The following DOCK5 variants were observed in gnomAD, a reference collection of about 807,000 sequenced individuals.
The protein encoded by DOCK5 is dedicator of cytokinesis protein 5.
Under a neutral mutation model 251.8 loss-of-function variants are expected in DOCK5, and 142 were observed. That is an observed-to-expected ratio of 0.56 (90% CI 0.49 to 0.65). The LOEUF is 0.65. DOCK5 is among the 30% of genes least tolerant of loss of function. DOCK5 has a pLI of 0.00. For synonymous variants in DOCK5, 842 were observed against 835.5 expected (o/e 1.01, Z -0.13); for missense variants, 2,111 against 2,312.3 (o/e 0.91, Z 1.79).
At chr8:25,268,031 C>T (rs1246672506) in intron 2 of DOCK5, among the ~76,000 whole-genome samples, 1 of 151,872 alleles carries the variant, frequency 6.6e-6, no homozygotes, top group East Asian at 1.9e-4. Context: ...CCTGGCTAAT[C>T]TTTATATTTT....
chr8:25,250,851 T>C (rs2117560909), intron 2 of DOCK5, among the ~76,000 whole-genome samples: 1 of 152,204 alleles, frequency 6.6e-6, no homozygotes, highest in East Asian at 1.9e-4. Flanking sequence ...CTATTGTAGG[T>C]TGGTAGTTTT....
chr8:25,273,844 A>G (rs545820416), intron 3 of DOCK5, among the ~76,000 whole-genome samples: 83 of 152,238 alleles, frequency 5.5e-4, no homozygotes, highest in African/African-American at 1.9e-3. Context: ...ATGGTTCTGA[A>G]TCCCACCTCC....
chr8:25,269,353 A>T (rs1205591033), intron 3 of DOCK5, among the ~76,000 whole-genome samples: 1 of 152,238 alleles, frequency 6.6e-6, no homozygotes, highest in Non-Finnish European at 1.5e-5. Context: ...ATAATACATT[A>T]TGAAATCAAT....
intron 48 of DOCK5, 65 bp from the exon 49 acceptor site, chr8:25,407,918 C>A: frequency 6.9e-7 from 1 of 1,449,882 alleles, no homozygotes; most frequent in South Asian, 1.4e-5. Flanking sequence ...CTGGTACTTT[C>A]ATAGTGAATT....
intron 51 of DOCK5, 112 bp from the exon 52 acceptor site, chr8:25,411,082 G>A (rs1801623743): frequency 5.3e-6 from 7 of 1,327,036 alleles, no homozygotes; most frequent in Non-Finnish European, 6.9e-6. Flanking sequence ...AGCCTGTGTA[G>A]ATAAACTCAG....
Position 25,401,064 on chromosome 8 carries a change from C to A in DOCK5, c.4924C>A (p.Leu1642Met). 6.2e-7 allele frequency: 1 copy of A among 1,613,958 alleles called. No homozygotes were observed. Among genetic ancestry groups the A allele is most frequent in the Non-Finnish European group, 8.5e-7 (1 of 1,179,858 alleles). The change falls in exon 47 of 52, where the codon CTG becomes ATG. Residue 1642 changes from leucine to methionine, a missense_variant and splice_region_variant. Physicochemically the swap from Leu to Met is conservative, Grantham distance 15. Coordinates refer to ENST00000276440, the MANE Select transcript of DOCK5 (RefSeq NM_024940.8). Reference protein sequence around the residue: ...KVEKHYGVITLPPNLTERKQS... With the variant: ...KVEKHYGVITMPPNLTERKQS... ...AGAAAAGCACTATGGGGTTATAACA[C>A]TGGTAAGCATGATCTAAGTAGCCTT... is the stretch of plus-strand genomic sequence containing the variant.
intron 1 of DOCK5, among the ~76,000 whole-genome samples, chr8:25,213,364 CA>C (rs34974024): frequency 0.089 from 6,661 of 74,592 alleles, 156 homozygotes; most frequent in Middle Eastern, 0.12. Flanking sequence ...ATGAATGTAG[CA>C]AAAAAAAAAA....
At chr8:25,345,431 A>G in intron 25 of DOCK5, 44 bp from the exon 26 acceptor site, 1 of 1,607,002 alleles carries the variant, frequency 6.2e-7, no homozygotes, top group Non-Finnish European at 8.5e-7. Context: ...GCAGTTCAGG[A>G]GGTGGCACTG....
intron 31 of DOCK5, 99 bp downstream of exon 31, chr8:25,367,069 C>G: frequency 9.5e-7 from 1 of 1,052,178 alleles, no homozygotes; most frequent in Non-Finnish European, 1.4e-6. Context: ...TATTTAGTGG[C>G]TACCCATGTT....
chr8:25,338,677 T>G (rs1345445643), intron 22 of DOCK5, among the ~76,000 whole-genome samples: 1 of 152,206 alleles, frequency 6.6e-6, no homozygotes, highest in Non-Finnish European at 1.5e-5. Flanking sequence ...TTTCCAGTTA[T>G]GGTACATTTC....
At chr8:25,400,841 T>C in intron 46 of DOCK5, 88 bp from the exon 47 acceptor site, 5 of 1,483,862 alleles carry the variant, frequency 3.4e-6, no homozygotes, top group Non-Finnish European at 4.6e-6. Context: ...CAGTTTACCT[T>C]TCCACCCCAT....
At chr8:25,357,373 CTTT>C (rs397891518) in intron 27 of DOCK5, among the ~76,000 whole-genome samples, 1,670 of 92,660 alleles carry the variant, frequency 0.018, 15 homozygotes, top group African/African-American at 0.054. Flanking sequence ...AAAAAATAAA[CTTT>C]TTTTTTTTTT....
At chr8:25,277,061 A>G (rs1297986975) in intron 4 of DOCK5, 1 of 152,982 alleles carries the variant, frequency 6.5e-6, no homozygotes, top group East Asian at 1.9e-4. Context: ...TTTGAGTATT[A>G]TCTTTCAAAT....
intron 11 of DOCK5, among the ~76,000 whole-genome samples, chr8:25,307,016 T>C (rs2117176783): frequency 6.6e-6 from 1 of 152,378 alleles, no homozygotes; most frequent in East Asian, 1.9e-4. Context: ...GTGCTATTTG[T>C]GTCTTTAAAC....
At chr8:25,350,744 T>G (rs1426566563) in intron 26 of DOCK5, among the ~76,000 whole-genome samples, 1 of 152,140 alleles carries the variant, frequency 6.6e-6, no homozygotes. Flanking sequence ...GCTCACCTGG[T>G]GGAGAGAGAG....
intron 18 of DOCK5, among the ~76,000 whole-genome samples, chr8:25,327,208 A>G (rs1374143325): frequency 6.6e-6 from 1 of 152,352 alleles, no homozygotes; most frequent in African/African-American, 2.4e-5. Flanking sequence ...CACGATCATC[A>G]TCACTATTTG....
intron 1 of DOCK5, among the ~76,000 whole-genome samples, chr8:25,228,736 C>T (rs112779666): frequency 0.095 from 14,400 of 152,056 alleles, 1,916 homozygotes; most frequent in African/African-American, 0.3. Flanking sequence ...TATTTTTAAC[C>T]TTTTTTCACA....
chr8:25,410,841 G>T (rs1285837095), intron 51 of DOCK5, among the ~76,000 whole-genome samples: 1 of 151,778 alleles, frequency 6.6e-6, no homozygotes, highest in African/African-American at 2.4e-5. Context: ...CCTCAGATGG[G>T]TTTCCTTCAG....
intron 9 of DOCK5, among the ~76,000 whole-genome samples, 159 bp from the exon 10 acceptor site, chr8:25,302,166 C>A (rs1299601380): frequency 6.6e-6 from 1 of 152,144 alleles, no homozygotes; most frequent in Non-Finnish European, 1.5e-5. Context: ...GCCATAATAG[C>A]TCTTGGATGG....
Sources: gnomAD v4.1 joint callset for allele counts (sites outside exome capture counted in the v4.1 genomes callset) on GRCh38, gnomAD v4.1.1 for gene constraint, MANE v1.5 for transcripts, NCBI Gene and HGNC (gene_info 2026-07-23, HGNC 2026-07-21) for gene names.